ELAVL2: variants seen among roughly 807,000 people sequenced by gnomAD.
ELAVL2 encodes ELAV-like protein 2.
A neutral mutation model predicts 34.6 loss-of-function variants in ELAVL2; 4 were observed. The observed-to-expected ratio is 0.12, with a 90% CI of 0.06 to 0.26. The LOEUF (loss-of-function observed/expected upper bound fraction) is 0.26, where lower values mean the gene tolerates loss of function less well. Among genes scored for constraint, ELAVL2 ranks in the 10% least tolerant of loss-of-function variants. The probability of loss-of-function intolerance (pLI) is 1.00; values close to 1 mark genes in which losing one functional copy is unlikely to be tolerated. For synonymous variants in ELAVL2, 193 were observed against 154.8 expected, an observed-to-expected ratio of 1.25 and a Z score of -1.83; for missense variants, 432 against 442.8, an observed-to-expected ratio of 0.98 and a Z score of 0.22.
intron 2 of ELAVL2, among the ~76,000 whole-genome samples, chr9:23,757,862 T>C (rs1345365296): frequency 2.0e-5 from 3 of 152,108 alleles, no homozygotes; most frequent in Non-Finnish European, 2.9e-5. Flanking sequence ...GTGACATTAA[T>C]TTGCTAACAC....
chr9:23,692,853 T>C lies in ELAVL2; in HGVS notation c.784A>G (p.Ser262Gly). The change falls in exon 7 of 7, where the codon AGT becomes GGT. Residue 262 changes from serine (S) to glycine (G), a missense_variant. Physicochemically the swap from Ser to Gly is moderately conservative, Grantham distance 56. Around this residue, in one of 3 missense-constraint regions of ELAVL2, gnomAD observed 295 missense variants for 306.1 expected, o/e 0.96. Coordinates refer to ENST00000397312, the MANE Select transcript of ELAVL2 (RefSeq NM_004432.5). ...FSPMTIDGMT[S>G]LAGINIPGHP... The stretch of plus-strand genomic sequence containing the variant: ...CCAGGGATATTAATTCCAGCCAAAC[T>C]GGTCATTCCGTCAATGGTCATTGGA... 1 of 1,614,098 alleles carries C rather than the reference T, an allele frequency of 6.2e-7. No individual in the cohort carries two copies. The highest frequency in any genetic ancestry group is 8.5e-7 in the Non-Finnish European group (1 of 1,179,980).
chr9:23,817,819 G>T (rs952513229), intron 1 of ELAVL2, among the ~76,000 whole-genome samples: 1 of 152,018 alleles, frequency 6.6e-6, no homozygotes, highest in Non-Finnish European at 1.5e-5. Context: ...ATTTTATTAC[G>T]CAAACTTTGA....
At chr9:23,844,158 T>C in the ELAVL2 span, among the ~76,000 whole-genome samples, 1 of 152,060 alleles carries the variant, frequency 6.6e-6, no homozygotes, top group African/African-American at 2.4e-5. Flanking sequence ...ATATTAGCGA[T>C]AGCTTCCTCT....
intron 3 of ELAVL2, among the ~76,000 whole-genome samples, chr9:23,709,747 C>T (rs916700766): frequency 2.0e-5 from 3 of 152,138 alleles, no homozygotes; most frequent in Non-Finnish European, 4.4e-5. Flanking sequence ...TAAATTTTCA[C>T]TGCCACTTAA....
intron 1 of ELAVL2, among the ~76,000 whole-genome samples, chr9:23,793,295 T>TA: frequency 6.6e-6 from 1 of 152,304 alleles, no homozygotes. Flanking sequence ...GCCAGGTACT[T>TA]ACACAATATC....
At chr9:23,700,580 T>A (rs2036838413) in intron 5 of ELAVL2, among the ~76,000 whole-genome samples, 1 of 152,208 alleles carries the variant, frequency 6.6e-6, no homozygotes, top group Non-Finnish European at 1.5e-5. Flanking sequence ...TCCCACCTGT[T>A]GCTGTATGGG....
the ELAVL2 span, among the ~76,000 whole-genome samples, chr9:23,846,742 A>C: frequency 6.6e-6 from 1 of 152,100 alleles, no homozygotes; most frequent in African/African-American, 2.4e-5. Context: ...GGTACAGTTA[A>C]AAATATTTCA....
chr9:23,725,909 T>A (rs954676647), intron 3 of ELAVL2, among the ~76,000 whole-genome samples: 2 of 152,082 alleles, frequency 1.3e-5, no homozygotes, highest in African/African-American at 2.4e-5. Flanking sequence ...AAATTCTCAG[T>A]GATGAATAAA....
intron 1 of ELAVL2, among the ~76,000 whole-genome samples, chr9:23,762,525 C>G (rs1384714941): frequency 6.6e-6 from 1 of 152,046 alleles, no homozygotes; most frequent in African/African-American, 2.4e-5. Context: ...TGGGTCTATT[C>G]ACATATCCTT....
the ELAVL2 span, among the ~76,000 whole-genome samples, chr9:23,834,734 C>A: frequency 6.6e-6 from 1 of 151,974 alleles, no homozygotes. Context: ...CTAATTGCAA[C>A]CAAGTTTAAA....
At chr9:23,705,936 C>T (rs557754378) in intron 3 of ELAVL2, among the ~76,000 whole-genome samples, 1 of 152,076 alleles carries the variant, frequency 6.6e-6, no homozygotes, top group East Asian at 1.9e-4. Context: ...TGTTTTCTAG[C>T]CTCTCACATC....
intron 5 of ELAVL2, among the ~76,000 whole-genome samples, chr9:23,695,411 C>A (rs2034796904): frequency 2.0e-5 from 1 of 50,376 alleles, no homozygotes; most frequent in Admixed American, 2.8e-4. Flanking sequence ...ACCACCCACT[C>A]AGGACACCAA....
chr9:23,724,293 A>T (rs1218334842), intron 3 of ELAVL2, among the ~76,000 whole-genome samples: 1 of 152,100 alleles, frequency 6.6e-6, no homozygotes, highest in Non-Finnish European at 1.5e-5. Flanking sequence ...CCCTCTTTGT[A>T]GGCTCTGCCT....
In ELAVL2 at chr9:23,739,348, A is replaced by AG. The variant is rs571173936; in HGVS notation, c.230-8224dup. Among the ~76,000 whole-genome samples, 71 of 152,262 alleles carry AG rather than the reference A, an allele frequency of 4.7e-4. 1 individual carries two copies. Among genetic ancestry groups the AG allele is most frequent in the South Asian group, 4.3e-3 (21 of 4,832 alleles). On this transcript the variant is annotated intron_variant, in intron 2 of 6. Transcript: ENST00000397312. Reference sequence around the variant, plus strand: ...CAGCAGTTCTACCTTCAAACACTGGAGCTGCCACCAGGATAGAGCAAATGC... The same window carrying AG: ...CAGCAGTTCTACCTTCAAACACTGGAGGCTGCCACCAGGATAGAGCAAATGC...
chr9:23,741,780 C>T (rs938954413), intron 2 of ELAVL2, among the ~76,000 whole-genome samples: 1 of 68,628 alleles, frequency 1.5e-5, no homozygotes, highest in Non-Finnish European at 2.7e-5. Flanking sequence ...CCATACCTTT[C>T]TCCCTTTGAA....
rs1161467031 is a variant in ELAVL2, at chr9:23,794,922, T to C, written c.-16+30884A>G. ...ATATACAGCTCCTAGAAAAATAAAA[T>C]TTAACTAAAGCTAAAGAAGATGAAC... On this transcript the variant is annotated intron_variant, in intron 1 of 6. Coordinates refer to ENST00000397312, the MANE Select transcript of ELAVL2 (RefSeq NM_004432.5). Among the ~76,000 whole-genome samples, 4 of 152,196 alleles carry C rather than the reference T, an allele frequency of 2.6e-5. No individual in the cohort carries two copies. The East Asian group carries it at 7.7e-4, about 29-fold the overall frequency.
chr9:23,821,842 C>G (rs1308536226), intron 1 of ELAVL2: 1 of 151,486 alleles, frequency 6.6e-6, no homozygotes, highest in Non-Finnish European at 1.5e-5. Flanking sequence ...GCGGTCCCGC[C>G]GTTTGTAGCG....
At chr9:23,740,916 T>C (rs948606986) in intron 2 of ELAVL2, among the ~76,000 whole-genome samples, 40 of 152,188 alleles carry the variant, frequency 2.6e-4, no homozygotes, top group African/African-American at 8.7e-4. Flanking sequence ...TTAAAATGCT[T>C]TCATACGCAT....
At chr9:23,704,860 T>C (rs878930072) in intron 4 of ELAVL2, 58 bp downstream of exon 4, 5 of 1,596,198 alleles carry the variant, frequency 3.1e-6, no homozygotes, top group Admixed American at 3.4e-5. Context: ...AGACAGAATA[T>C]TTCACAATCT....
Sources: gnomAD v4.1 joint callset for allele counts (sites outside exome capture counted in the v4.1 genomes callset) on GRCh38, gnomAD v4.1.1 for gene constraint, gnomAD v4.1.1 regional missense constraint, MANE v1.5 for transcripts, NCBI Gene and HGNC (gene_info 2026-07-23, HGNC 2026-07-21) for gene names.